Variants in RYR3 observed in about 807,000 individuals in gnomAD.
RYR3 encodes the protein brain ryanodine receptor-calcium release channel.
In RYR3, 207 loss-of-function variants were observed where a neutral mutation model predicts 584.3. The ratio of observed to expected loss-of-function variants is 0.35; its 90% CI spans 0.32 to 0.40. RYR3 has a LOEUF of 0.40. Ranked by LOEUF, RYR3 falls within the 10% of genes least tolerant of loss-of-function variation. The pLI is 1.00. For missense variants in RYR3, 5,616 were observed against 6,089.2 expected (o/e 0.92, Z 2.59); for synonymous variants, 2,416 against 2,248.5 (o/e 1.07, Z -2.11).
intron 74 of RYR3, among the ~76,000 whole-genome samples, chr15:33,814,900 C>CGAAA (rs1322022771): frequency 1.1e-5 from 1 of 91,794 alleles, no homozygotes; most frequent in African/African-American, 4.4e-5. Flanking sequence ...GACTCTGTCT[C>CGAAA]AAAAAAAAAA....
At chr15:33,801,487 C>G (rs928904520) in intron 68 of RYR3, among the ~76,000 whole-genome samples, 2 of 152,146 alleles carry the variant, frequency 1.3e-5, no homozygotes, top group Non-Finnish European at 2.9e-5. Flanking sequence ...TTTGCAGGGC[C>G]CTTTCAAAAT....
chr15:33,488,449 C>CT (rs72098093), intron 2 of RYR3, among the ~76,000 whole-genome samples: 17,509 of 127,392 alleles, frequency 0.14, 1,428 homozygotes, highest in East Asian at 0.4. Flanking sequence ...ACAGTCTTGC[C>CT]TTTTTTTTTT....
intron 43 of RYR3, among the ~76,000 whole-genome samples, chr15:33,708,189 A>G (rs2066854472): frequency 6.6e-6 from 1 of 152,210 alleles, no homozygotes; most frequent in African/African-American, 2.4e-5. Context: ...AAATTATCAC[A>G]TGTCCAGAAT....
chr15:33,412,044 C>T lies in RYR3; in HGVS notation c.52-61375C>T, dbSNP rs1415467180. Among the ~76,000 whole-genome samples the T allele has an allele frequency of 6.6e-6, 1 of 152,144 alleles. No individual in the cohort carries two copies. The highest frequency in any genetic ancestry group is 1.9e-4 in the East Asian group (1 of 5,188). Reference sequence around the variant, plus strand: ...GTGAAGGTAATATCCAACTTAGGTTCCCAGTGTGTCAGCCACACCTGTTGC... The same window carrying T: ...GTGAAGGTAATATCCAACTTAGGTTTCCAGTGTGTCAGCCACACCTGTTGC... On this transcript the variant is annotated intron_variant, in intron 1 of 103. Transcript: ENST00000634891. The surrounding 1 kb of genome is among the most constrained non-coding windows in gnomAD (Gnocchi z 4.3).
chr15:33,529,588 A>C (rs900755464), intron 3 of RYR3, among the ~76,000 whole-genome samples: 4 of 152,194 alleles, frequency 2.6e-5, no homozygotes, highest in Admixed American at 6.5e-5. Flanking sequence ...ATTAATTTTT[A>C]TCTCAAGCTT....
At chr15:33,628,069 C>G (rs1439854530) in intron 20 of RYR3, among the ~76,000 whole-genome samples, 2 of 152,148 alleles carry the variant, frequency 1.3e-5, no homozygotes, top group African/African-American at 2.4e-5. Flanking sequence ...ATATTGAGCT[C>G]ACTTTAATGG....
At chr15:33,732,230 A>C (rs1456710557) in intron 48 of RYR3, among the ~76,000 whole-genome samples, 1 of 151,760 alleles carries the variant, frequency 6.6e-6, no homozygotes, top group East Asian at 1.9e-4. Context: ...AAATACAAAA[A>C]AAAAAAAAAT....
At chr15:33,730,549 A>T (rs2068863014) in intron 47 of RYR3, among the ~76,000 whole-genome samples, 1 of 152,244 alleles carries the variant, frequency 6.6e-6, no homozygotes, top group African/African-American at 2.4e-5. Context: ...GAACAATGAG[A>T]CATGTATATA....
chr15:33,746,637 GAAAAT>G (rs1206264035), intron 53 of RYR3, among the ~76,000 whole-genome samples: 1 of 151,684 alleles, frequency 6.6e-6, no homozygotes, highest in Non-Finnish European at 1.5e-5. Context: ...CATCTCTACT[GAAAAT>G]ACAAAGATTA....
intron 65 of RYR3, among the ~76,000 whole-genome samples, chr15:33,780,849 T>A (rs1433389984): frequency 1.3e-5 from 2 of 152,200 alleles, no homozygotes; most frequent in African/African-American, 4.8e-5. Flanking sequence ...CAAGAAAGAA[T>A]ATTTCTTAGC....
chr15:33,598,684 A>T (rs1465141465), intron 16 of RYR3, among the ~76,000 whole-genome samples: 1 of 152,040 alleles, frequency 6.6e-6, no homozygotes, highest in Non-Finnish European at 1.5e-5. Flanking sequence ...AACTCCATAA[A>T]GGAGTTACCT....
chr15:33,435,191 T>C (rs992029756), intron 1 of RYR3, among the ~76,000 whole-genome samples: 7 of 152,184 alleles, frequency 4.6e-5, no homozygotes, highest in East Asian at 1.9e-4. Flanking sequence ...CTAGGGCTTG[T>C]TGTACAGATC....
chr15:33,596,663 G>A (rs1043477365), intron 16 of RYR3, among the ~76,000 whole-genome samples: 1 of 152,088 alleles, frequency 6.6e-6, no homozygotes, highest in African/African-American at 2.4e-5. Flanking sequence ...TCATTTCTTT[G>A]TGTGGGGAAT....
intron 36 of RYR3, among the ~76,000 whole-genome samples, chr15:33,665,546 C>T (rs1263856379): frequency 6.6e-6 from 1 of 152,206 alleles, no homozygotes; most frequent in Non-Finnish European, 1.5e-5. Context: ...ACTGGGGTTG[C>T]CCACCCAACA....
intron 5 of RYR3, among the ~76,000 whole-genome samples, chr15:33,538,049 A>G (rs1392953649): frequency 6.6e-6 from 1 of 151,786 alleles, no homozygotes; most frequent in African/African-American, 2.4e-5. Flanking sequence ...GATCCTTCAT[A>G]GATACTAATA....
At chr15:33,419,777 C>T (rs1163368946) in intron 1 of RYR3, among the ~76,000 whole-genome samples, 2 of 152,054 alleles carry the variant, frequency 1.3e-5, no homozygotes, top group East Asian at 3.9e-4. Context: ...ACTTACAAGA[C>T]GTGAAGCAGA....
chr15:33,764,298 A>G (rs1567122719), intron 60 of RYR3, among the ~76,000 whole-genome samples: 1 of 152,144 alleles, frequency 6.6e-6, no homozygotes, highest in Non-Finnish European at 1.5e-5. Flanking sequence ...GAAGCTGAAA[A>G]CACTCATTCT....
intron 1 of RYR3, among the ~76,000 whole-genome samples, chr15:33,326,636 A>G (rs970410458): frequency 6.6e-6 from 1 of 152,196 alleles, no homozygotes; most frequent in Non-Finnish European, 1.5e-5. Flanking sequence ...TCGTAAAGCA[A>G]TACTCAGCAG....
At chr15:33,701,361 G>A (rs909183550) in intron 42 of RYR3, among the ~76,000 whole-genome samples, 1 of 152,178 alleles carries the variant, frequency 6.6e-6, no homozygotes, top group African/African-American at 2.4e-5. Flanking sequence ...ATTACCAGAT[G>A]CCGGTGGTTC....
Sources: allele counts gnomAD v4.1 joint callset (sites outside exome capture counted in the v4.1 genomes callset), GRCh38; gene constraint gnomAD v4.1.1; non-coding constraint Gnocchi (gnomAD v3.1); transcripts MANE v1.5; gene names NCBI Gene and HGNC (gene_info 2026-07-23, HGNC 2026-07-21).